The following ZBED4 variants were observed in gnomAD, a reference collection of about 807,000 sequenced individuals.
ZBED4 encodes zinc finger BED-type containing 4.
Under a neutral mutation model 15.5 loss-of-function variants are expected in ZBED4, and 4 were observed. That is an observed-to-expected ratio of 0.26 (90% CI 0.13 to 0.59). The LOEUF (loss-of-function observed/expected upper bound fraction) is 0.59, where lower values mean the gene tolerates loss of function less well. Ranked by LOEUF, ZBED4 falls within the 20% of genes least tolerant of loss-of-function variation. ZBED4 has a pLI of 0.90. For synonymous variants in ZBED4, 692 were observed against 608.5 expected (o/e 1.14, Z -2.02); for missense variants, 1,323 against 1,461.8 (o/e 0.91, Z 1.55).
Position 49,888,241 on chromosome 22 carries a change from G to C in ZBED4, c.*1063G>C, listed in dbSNP as rs2060450484. ...TGATTTTAAAAGTTATGTCTTCAGA[G>C]AAAAAAAGATTCATTTTCTCATTTT... On this transcript the variant is annotated 3_prime_UTR_variant, in exon 2 of 2. Transcript: ENST00000216268. 1 of 167,036 alleles carries C rather than the reference G, an allele frequency of 6.0e-6. No individual in the cohort carries two copies. The highest frequency in any genetic ancestry group is 2.4e-5 in the African/African-American group (1 of 41,558). 10.3% of individuals were successfully genotyped at this position (167,036 alleles called of 1,614,324 possible). A position where few individuals can be genotyped will look rare whatever the true frequency, so the allele number is the denominator to read the frequency against.
intron 1 of ZBED4, among the ~76,000 whole-genome samples, 196 bp from the exon 2 acceptor site, chr22:49,883,138 A>AT (rs757842616): frequency 6.6e-6 from 1 of 151,740 alleles, no homozygotes; most frequent in Non-Finnish European, 1.5e-5. Context: ...TCATGTCTCT[A>AT]TTTTTTGCTT....
chr22:49,874,508 C>A (rs554567949), intron 1 of ZBED4, among the ~76,000 whole-genome samples: 1 of 151,410 alleles, frequency 6.6e-6, no homozygotes, highest in Admixed American at 6.6e-5. Context: ...GCCTCAGCGT[C>A]CCAAGTAGCT....
chr22:49,874,007 C>T (rs1218536970), intron 1 of ZBED4, among the ~76,000 whole-genome samples: 4 of 152,248 alleles, frequency 2.6e-5, no homozygotes, highest in African/African-American at 7.2e-5. Flanking sequence ...AGCTTGAGTC[C>T]TGTGACCTCT....
At chr22:49,856,687 C>T (rs1362738299) in intron 1 of ZBED4, among the ~76,000 whole-genome samples, 1 of 37,536 alleles carries the variant, frequency 2.7e-5, no homozygotes, top group African/African-American at 4.3e-5. Context: ...GAATCCCGGC[C>T]GGCTTCCCAT....
intron 1 of ZBED4, among the ~76,000 whole-genome samples, chr22:49,879,317 A>G (rs2060395442): frequency 2.0e-5 from 3 of 151,148 alleles, no homozygotes; most frequent in African/African-American, 4.9e-5. Flanking sequence ...AGTAGAGACC[A>G]GGTTTCGCCA....
chr22:49,885,282 C>A lies in ZBED4; in HGVS notation c.1620C>A (p.Asp540Glu). 6.3e-7 allele frequency: 1 copy of A among 1,596,916 alleles called. No individual in the cohort carries two copies. Among genetic ancestry groups the A allele is most frequent in the South Asian group, 1.1e-5 (1 of 89,702 alleles). ...SAESSSSKLT[D>E]LPTVVTKNNQ... ...AAAGTTCCTCTTCCAAATTGACTGA[C>A]TTGCCAACAGTGGTCACAAAAAACA... is the stretch of plus-strand genomic sequence containing the variant. Residue 540 changes from aspartate (D) to glutamate (E), a missense_variant, in exon 2 of 2, where the codon GAC (aspartate) becomes GAA (glutamate). Physicochemically the swap from Asp to Glu is conservative, Grantham distance 45. This residue lies in a region of ZBED4 where 429 missense variants were observed against 397.9 expected (regional missense o/e 1.08). Coordinates refer to ENST00000216268, the MANE Select transcript of ZBED4 (RefSeq NM_014838.3).
intron 1 of ZBED4, among the ~76,000 whole-genome samples, chr22:49,872,214 T>C (rs1569160309): frequency 1.3e-5 from 2 of 152,228 alleles, no homozygotes; most frequent in East Asian, 3.8e-4. Context: ...TATTCCAAAA[T>C]CTTTATTGTC....
upstream of ZBED4, chr22:49,853,701 C>T (rs1159529418): frequency 2.0e-5 from 3 of 151,440 alleles, no homozygotes; most frequent in African/African-American, 7.3e-5. Context: ...GCGGCCGGGC[C>T]TCCGGCGCTC....
Position 49,885,545 on chromosome 22 carries a change from G to A in ZBED4, c.1883G>A (p.Arg628Gln), listed in dbSNP as rs200372064. 2.2e-4 allele frequency: 352 copies of A among 1,605,442 alleles called. 1 individual carries two copies. The highest frequency in any genetic ancestry group is 2.5e-4 in the Non-Finnish European group (299 of 1,173,018). Residue 628 changes from arginine to glutamine, a missense_variant, in exon 2 of 2, where the codon CGG (arginine) becomes CAG (glutamine). Transcript: ENST00000216268. ...GCTCGGCCCTCCTCTCCGGACACCC[G>A]GGTGCCGCGGGGCACAGAATTATCA... ...ETARPSSPDT[R>Q]VPRGTELSGA...
intron 1 of ZBED4, among the ~76,000 whole-genome samples, chr22:49,868,362 C>T (rs1333918135): frequency 6.6e-6 from 1 of 152,134 alleles, no homozygotes; most frequent in Non-Finnish European, 1.5e-5. Context: ...GGTGGATCAC[C>T]CAGGATCAGG....
intron 1 of ZBED4, among the ~76,000 whole-genome samples, chr22:49,876,983 CTGA>C (rs1327672016): frequency 6.6e-6 from 1 of 152,192 alleles, no homozygotes; most frequent in Non-Finnish European, 1.5e-5. Context: ...TCAGATGACT[CTGA>C]TGTTAGTTCT....
At position 49,860,935 on chromosome 22, in the gene ZBED4, C is replaced by T. The variant is rs528183616; in HGVS notation, c.-330+6946C>T. ...CTGGGACTACAGGCGCCCACCACCACGCCCAGCTAATTTTTTGTACTTTAG... is the reference window on the plus strand; with the variant it reads ...CTGGGACTACAGGCGCCCACCACCATGCCCAGCTAATTTTTTGTACTTTAG... On this transcript the variant is annotated intron_variant, in intron 1 of 1. Coordinates refer to ENST00000216268, the MANE Select transcript of ZBED4 (RefSeq NM_014838.3). Among the ~76,000 whole-genome samples, 125 of 151,988 alleles carry T rather than the reference C, an allele frequency of 8.2e-4. 1 individual carries two copies. Among genetic ancestry groups the T allele is most frequent in the Non-Finnish European group, 1.3e-3 (88 of 67,984 alleles).
intron 1 of ZBED4, among the ~76,000 whole-genome samples, chr22:49,860,938 C>T (rs1001659830): frequency 6.6e-6 from 1 of 151,612 alleles, no homozygotes; most frequent in African/African-American, 2.4e-5. Context: ...ACCACCACGC[C>T]CAGCTAATTT....
intron 1 of ZBED4, among the ~76,000 whole-genome samples, chr22:49,865,718 G>A (rs933440657): frequency 6.6e-6 from 1 of 152,082 alleles, no homozygotes; most frequent in South Asian, 2.1e-4. Context: ...TTGTGTTTTG[G>A]TTGAGGTTTG....
intron 1 of ZBED4, among the ~76,000 whole-genome samples, chr22:49,880,804 T>G (rs565879881): frequency 6.6e-6 from 1 of 152,330 alleles, no homozygotes; most frequent in Admixed American, 6.5e-5. Context: ...TCATATTGAA[T>G]TTATAGGTCA....
intron 1 of ZBED4, among the ~76,000 whole-genome samples, chr22:49,863,264 AT>A (rs2060305639): frequency 6.6e-6 from 1 of 151,876 alleles, no homozygotes; most frequent in South Asian, 2.1e-4. Flanking sequence ...GGCTCAAGTG[AT>A]TTTCCCACCT....
At position 49,883,845 on chromosome 22, in the gene ZBED4, C is replaced by T. The variant is rs375238670; in HGVS notation, c.183C>T (p.Leu61=). The part of the protein sequence containing the change: ...QTDSGGERAG[L]GGTGCSCKPP... ...ACAGCGGTGGGGAGCGAGCGGGCCT[C>T]GGTGGGACGGGTTGCAGCTGCAAGC... The change falls in exon 2 of 2, where the codon CTC becomes CTT. Residue 61 remains leucine (L), a synonymous_variant. Transcript: ENST00000216268. 82 of 1,609,782 alleles carry T rather than the reference C, an allele frequency of 5.1e-5. No homozygotes were observed. The South Asian group carries it at 5.2e-4, about 10-fold the overall frequency.
At chr22:49,855,792 G>A (rs905828209) in intron 1 of ZBED4, among the ~76,000 whole-genome samples, 6 of 151,788 alleles carry the variant, frequency 4.0e-5, no homozygotes, top group Non-Finnish European at 7.4e-5. Flanking sequence ...GCTGGGCGTG[G>A]CTTTGCCCAG....
intron 1 of ZBED4, among the ~76,000 whole-genome samples, chr22:49,856,643 TTCCCATCCCTCGTTCTA>T (rs1569155601): frequency 8.6e-5 from 12 of 138,868 alleles, no homozygotes; most frequent in Non-Finnish European, 1.4e-4. Context: ...CCCGGCCGGC[TTCCCATCCCTCGTTCTA>T]GGTGAAGGCC....
Sources: allele counts gnomAD v4.1 joint callset (sites outside exome capture counted in the v4.1 genomes callset), GRCh38; gene constraint gnomAD v4.1.1; regional missense constraint gnomAD v4.1.1; transcripts MANE v1.5; gene names NCBI Gene and HGNC (gene_info 2026-07-23, HGNC 2026-07-21).